Variants in CYB5A observed in about 807,000 individuals in gnomAD.
The protein encoded by CYB5A is cytochrome b5.
Under a neutral mutation model 16.2 loss-of-function variants are expected in CYB5A, and 10 were observed. The observed-to-expected ratio is 0.62, with a 90% CI of 0.38 to 1.04. The LOEUF is 1.04. Ranked by LOEUF, CYB5A falls within the 50% of genes least tolerant of loss-of-function variation. The pLI, the probability that CYB5A is intolerant of heterozygous loss-of-function variation, is 0.01. For missense variants in CYB5A, 161 were observed against 165.9 expected, an observed-to-expected ratio of 0.97 and a Z score of 0.16; for synonymous variants, 62 against 57.0, an observed-to-expected ratio of 1.09 and a Z score of -0.40.
In CYB5A at chr18:74,291,896, G is replaced by A. The variant is rs770210317; in HGVS notation, c.-21C>T. 8 of 1,608,696 alleles carry A rather than the reference G, an allele frequency of 5.0e-6. No homozygotes were observed. Among genetic ancestry groups the A allele is most frequent in the Non-Finnish European group, 6.8e-6 (8 of 1,179,648 alleles). Reference sequence around the variant, plus strand: ...GCCATCTCGGTTCGCCGCGAGCCAGGCCCAGCACACACAGCCCCGTCGGGT... The same window carrying A: ...GCCATCTCGGTTCGCCGCGAGCCAGACCCAGCACACACAGCCCCGTCGGGT... On this transcript the variant is annotated 5_prime_UTR_variant, in exon 1 of 5. Coordinates refer to ENST00000340533, the MANE Select transcript of CYB5A (RefSeq NM_148923.4).
At chr18:74,276,685 G>A (rs1982893459) in intron 1 of CYB5A, among the ~76,000 whole-genome samples, 1 of 152,158 alleles carries the variant, frequency 6.6e-6, no homozygotes, top group South Asian at 2.1e-4. Context: ...CGGAGGGTTT[G>A]CTTAACCAAG....
chr18:74,254,154 T>C (rs1981873989), intron 4 of CYB5A, among the ~76,000 whole-genome samples: 1 of 152,152 alleles, frequency 6.6e-6, no homozygotes, highest in Non-Finnish European at 1.5e-5. Flanking sequence ...CACTCCAGCC[T>C]GTGTGATAGA....
chr18:74,260,782 T>C lies in CYB5A; in HGVS notation c.288+133A>G, dbSNP rs757790894. 8.9e-6 allele frequency: 7 copies of C among 787,790 alleles called. No individual in the cohort carries two copies. In the African/African-American group the frequency reaches 1.2e-4, roughly 13 times the overall value. The allele number at this position is 787,790 out of a possible 1,614,324, so 48.8% of individuals were successfully genotyped here. A position where few individuals can be genotyped will look rare whatever the true frequency, so the allele number is the denominator to read the frequency against. The stretch of plus-strand genomic sequence containing the variant: ...AAATAAAAAATACTTGCTGAGCCAG[T>C]AGGTTACATATTCATTTATCTAGAA... On this transcript the variant is annotated intron_variant, in intron 3 of 4. Transcript: ENST00000340533.
At chr18:74,257,593 A>G (rs1006806812) in intron 3 of CYB5A, 3 of 152,254 alleles carry the variant, frequency 2.0e-5, no homozygotes, top group African/African-American at 7.2e-5. Context: ...TCGAGGTTCA[A>G]CTTCAGTAAA....
chr18:74,274,199 C>A (rs1220345775), intron 1 of CYB5A, among the ~76,000 whole-genome samples: 1 of 152,122 alleles, frequency 6.6e-6, no homozygotes, highest in African/African-American at 2.4e-5. Context: ...TAAGTACAAT[C>A]AATAAAGACA....
Position 74,263,397 on chromosome 18 carries a change from T to C in CYB5A, c.210A>G (p.Thr70=), listed in dbSNP as rs767924669. 7.4e-6 allele frequency: 12 copies of C among 1,614,130 alleles called. No homozygotes were observed. The highest frequency in any genetic ancestry group is 1.6e-4 in the Middle Eastern group (1 of 6,062). Residue 70 remains threonine (T), a synonymous_variant, in exon 2 of 5, where the codon ACA becomes ACG. Transcript: ENST00000340533. Reference sequence around the variant, plus strand: ...ATGTTTTGGACATTTCCCTGGCATCTGTAGAGTGCCCGACATCCTCAAAGT... The same window carrying C: ...ATGTTTTGGACATTTCCCTGGCATCCGTAGAGTGCCCGACATCCTCAAAGT... ...TENFEDVGHS[T]DAREMSKTFI...
chr18:74,263,268 TA>T (rs1403223159), intron 2 of CYB5A, 80 bp downstream of exon 2: 30 of 1,577,998 alleles, frequency 1.9e-5, no homozygotes, highest in Non-Finnish European at 2.6e-5. Flanking sequence ...AAAATGTGTA[TA>T]CATGCAAGCT....
chr18:74,263,459 C>T lies in CYB5A; in HGVS notation c.148G>A (p.Val50Ile), dbSNP rs762633432. 2 of 1,614,148 alleles carry T rather than the reference C, an allele frequency of 1.2e-6. No homozygotes were observed. Among genetic ancestry groups the T allele is most frequent in the Non-Finnish European group, 1.7e-6 (2 of 1,180,012 alleles). The change falls in exon 2 of 5, where the codon GTT becomes ATT. Residue 50 changes from valine to isoleucine, a missense_variant. Transcript: ENST00000340533. The part of the protein sequence containing the change: ...FLEEHPGGEE[V>I]LREQAGGDAT... ...TCACCTCCAGCTTGTTCCCTTAAAA[C>T]TTCTTCCCCACCAGGATGCTGTTCA...
At chr18:74,287,676 G>C (rs552273550) in intron 1 of CYB5A, among the ~76,000 whole-genome samples, 1 of 152,178 alleles carries the variant, frequency 6.6e-6, no homozygotes, top group Non-Finnish European at 1.5e-5. Flanking sequence ...AAAGGGAGAG[G>C]AGACAACTTC....
chr18:74,280,577 CAAAA>C (rs1298855875), intron 1 of CYB5A, among the ~76,000 whole-genome samples: 2 of 95,678 alleles, frequency 2.1e-5, no homozygotes, highest in Non-Finnish European at 2.2e-5. Context: ...GACCCTGTCT[CAAAA>C]AAAAAAAAAA....
At chr18:74,277,551 A>G (rs1294665046) in intron 1 of CYB5A, among the ~76,000 whole-genome samples, 2 of 152,248 alleles carry the variant, frequency 1.3e-5, no homozygotes, top group Middle Eastern at 3.2e-3. Flanking sequence ...CCCCACCCTC[A>G]AGAAGTTAGA....
chr18:74,279,108 C>T (rs1251765014), intron 1 of CYB5A, among the ~76,000 whole-genome samples: 2 of 152,186 alleles, frequency 1.3e-5, no homozygotes. Flanking sequence ...CTTTGTAACC[C>T]AATGCAACCC....
Position 74,288,098 on chromosome 18 carries a change from A to G in CYB5A, c.129+3649T>C, listed in dbSNP as rs554438648. Among the ~76,000 whole-genome samples the G allele has an allele frequency of 1.6e-4, 25 of 152,374 alleles. No homozygotes were observed. In the South Asian group the frequency reaches 4.8e-3, roughly 29 times the overall value. ...AGCACCTGCTGCTATGTCGACTGCC[A>G]TTAATAATAAGCCAGTCTTCCCTCT... On this transcript the variant is annotated intron_variant, in intron 1 of 4. Transcript: ENST00000340533.
chr18:74,269,419 G>T, intron 1 of CYB5A, among the ~76,000 whole-genome samples: 1 of 116,182 alleles, frequency 8.6e-6, no homozygotes, highest in South Asian at 2.8e-4. Flanking sequence ...ATCTGCGTTG[G>T]CTCTCCTGAT....
At chr18:74,279,285 T>C (rs2145073594) in intron 1 of CYB5A, among the ~76,000 whole-genome samples, 1 of 152,344 alleles carries the variant, frequency 6.6e-6, no homozygotes, top group African/African-American at 2.4e-5. Flanking sequence ...CCCAGCACTC[T>C]GGGAGGCCAA....
chr18:74,284,134 G>A (rs558979391), intron 1 of CYB5A, among the ~76,000 whole-genome samples: 1 of 151,520 alleles, frequency 6.6e-6, no homozygotes, highest in African/African-American at 2.4e-5. Flanking sequence ...GGGAGGCTGA[G>A]GCAAGAGAAT....
intron 1 of CYB5A, among the ~76,000 whole-genome samples, chr18:74,270,274 C>T (rs1982620597): frequency 6.6e-6 from 1 of 152,096 alleles, no homozygotes. Flanking sequence ...AAGCAGCCTG[C>T]CTGGGTGTGG....
Position 74,291,910 on chromosome 18 carries a change from G to T in CYB5A, c.-35C>A, listed in dbSNP as rs952111960. 2.5e-6 allele frequency: 4 copies of T among 1,607,214 alleles called. No homozygotes were observed. The highest frequency in any genetic ancestry group is 3.4e-6 in the Non-Finnish European group (4 of 1,179,748). On this transcript the variant is annotated 5_prime_UTR_variant, in exon 1 of 5. The change creates a new upstream start codon in the 5' untranslated region. Transcript: ENST00000340533. Reference sequence around the variant, plus strand: ...CCGCGAGCCAGGCCCAGCACACACAGCCCCGTCGGGTGGAGCAGAGCGCGC... The same window carrying T: ...CCGCGAGCCAGGCCCAGCACACACATCCCCGTCGGGTGGAGCAGAGCGCGC...
chr18:74,273,155 G>A (rs1271561468), intron 1 of CYB5A, among the ~76,000 whole-genome samples: 1 of 152,152 alleles, frequency 6.6e-6, no homozygotes, highest in African/African-American at 2.4e-5. Flanking sequence ...TAGCTGAATG[G>A]TATCAATATC....
Sources: allele counts gnomAD v4.1 joint callset (sites outside exome capture counted in the v4.1 genomes callset), GRCh38; gene constraint gnomAD v4.1.1; transcripts MANE v1.5; gene names NCBI Gene and HGNC (gene_info 2026-07-23, HGNC 2026-07-21).